Variants in PPFIBP2 observed in about 807,000 individuals in gnomAD.
PPFIBP2 encodes the protein liprin-beta-2.
A neutral mutation model predicts 118.3 loss-of-function variants in PPFIBP2; 118 were observed. The observed-to-expected ratio is 1.00, with a 90% confidence interval of 0.86 to 1.16. The LOEUF is 1.16. Ranked by LOEUF, PPFIBP2 falls within the 50% of genes most tolerant of loss-of-function variation. PPFIBP2 has a pLI of 0.00. For missense variants in PPFIBP2, 1,195 were observed against 1,073.1 expected, an observed-to-expected ratio of 1.11 and a Z score of -1.59; for synonymous variants, 414 against 397.4, an observed-to-expected ratio of 1.04 and a Z score of -0.50.
chr11:7,564,825 G>A (rs1388970606), intron 2 of PPFIBP2, among the ~76,000 whole-genome samples: 4 of 152,230 alleles, frequency 2.6e-5, no homozygotes, highest in Non-Finnish European at 2.9e-5. Flanking sequence ...GAGAGAAAGA[G>A]TGGAACCTGT....
chr11:7,618,076 C>T (rs1322579000), intron 6 of PPFIBP2, among the ~76,000 whole-genome samples: 1 of 152,134 alleles, frequency 6.6e-6, no homozygotes, highest in Non-Finnish European at 1.5e-5. Context: ...ACAGAGGATA[C>T]CCTGGCTCTG....
chr11:7,605,962 G>T, intron 5 of PPFIBP2: 16 of 1,534,680 alleles, frequency 1.0e-5, no homozygotes, highest in Non-Finnish European at 1.4e-5. Flanking sequence ...ATACTGAATG[G>T]GAAAGTTAAT....
intron 5 of PPFIBP2, among the ~76,000 whole-genome samples, chr11:7,599,066 T>C (rs1259681247): frequency 6.7e-6 from 1 of 149,294 alleles, no homozygotes; most frequent in African/African-American, 2.5e-5. Context: ...GTTCATAATA[T>C]TTCCTAAAAA....
intron 10 of PPFIBP2, among the ~76,000 whole-genome samples, chr11:7,630,196 A>C (rs1476198994): frequency 6.6e-6 from 1 of 152,198 alleles, no homozygotes; most frequent in Admixed American, 6.5e-5. Context: ...AAGGATATTC[A>C]GGAACCTCTG....
At chr11:7,665,558 G>A in the PPFIBP2 span, 3 of 1,591,474 alleles carry the variant, frequency 1.9e-6, no homozygotes, top group African/African-American at 2.7e-5. Flanking sequence ...TGAAATGAAG[G>A]AGATGCAGGA....
intron 21 of PPFIBP2, 40 bp downstream of exon 21, chr11:7,649,694 C>T: frequency 6.2e-7 from 1 of 1,611,314 alleles, no homozygotes. Context: ...AGCCCTGAGC[C>T]AGGACCCCTG....
chr11:7,568,443 C>T (rs556654267), intron 3 of PPFIBP2, among the ~76,000 whole-genome samples: 22 of 152,324 alleles, frequency 1.4e-4, no homozygotes, highest in African/African-American at 5.1e-4. Flanking sequence ...GGTAGAGAAT[C>T]ATTTCTTTAG....
intron 3 of PPFIBP2, among the ~76,000 whole-genome samples, chr11:7,572,987 C>G (rs948789918): frequency 2.6e-5 from 4 of 152,180 alleles, no homozygotes; most frequent in Non-Finnish European, 5.9e-5. Context: ...ACCAGGTTGA[C>G]GAGGCTGATC....
At chr11:7,532,542 G>A (rs910310376) in intron 1 of PPFIBP2, among the ~76,000 whole-genome samples, 1 of 152,174 alleles carries the variant, frequency 6.6e-6, no homozygotes, top group Non-Finnish European at 1.5e-5. Flanking sequence ...TCGTCCAAAG[G>A]CTCAGCTCCA....
At chr11:7,606,105 C>G (rs1847309048) in intron 5 of PPFIBP2, 1 of 1,405,260 alleles carries the variant, frequency 7.1e-7, no homozygotes, top group South Asian at 1.4e-5. Flanking sequence ...AAGTGAAGAG[C>G]ACTGTCTTAG....
intron 1 of PPFIBP2, among the ~76,000 whole-genome samples, 156 bp from the exon 2 acceptor site, chr11:7,549,284 G>C (rs561905774): frequency 5.3e-5 from 8 of 152,214 alleles, no homozygotes; most frequent in Admixed American, 2.0e-4. Flanking sequence ...CATGCCAAGA[G>C]GGAAAAGGCC....
chr11:7,531,867 A>G (rs1850719302), intron 1 of PPFIBP2, among the ~76,000 whole-genome samples: 1 of 151,286 alleles, frequency 6.6e-6, no homozygotes, highest in Admixed American at 6.6e-5. Context: ...ATGGAGTCTC[A>G]CTGTGTTGCC....
At chr11:7,577,747 C>G in intron 3 of PPFIBP2, 1 of 441,216 alleles carries the variant, frequency 2.3e-6, no homozygotes, top group South Asian at 1.6e-5. Flanking sequence ...GAGGTATTGT[C>G]CAGCAAAGCC....
chr11:7,546,768 C>T (rs979011622), intron 1 of PPFIBP2, among the ~76,000 whole-genome samples: 3 of 152,250 alleles, frequency 2.0e-5, no homozygotes, highest in Non-Finnish European at 4.4e-5. Context: ...ACCACACTCT[C>T]TGCCTGGAAC....
chr11:7,607,772 A>T (rs1235187839), intron 5 of PPFIBP2, among the ~76,000 whole-genome samples: 1 of 152,022 alleles, frequency 6.6e-6, no homozygotes, highest in Non-Finnish European at 1.5e-5. Flanking sequence ...ATTATAGTCC[A>T]TCTCTAGCTG....
At chr11:7,574,995 C>T (rs1015744597) in intron 3 of PPFIBP2, among the ~76,000 whole-genome samples, 1 of 152,138 alleles carries the variant, frequency 6.6e-6, no homozygotes, top group African/African-American at 2.4e-5. Context: ...CTGTCCCTTT[C>T]TCTCCCCTAC....
Position 7,522,572 on chromosome 11 carries a change from G to C in PPFIBP2, c.-37+8451G>C, listed in dbSNP as rs76886507. On this transcript the variant is annotated intron_variant, in intron 1 of 23. Transcript: ENST00000299492. ...GTAGCACATGAGTTTAGCCAGAGGA[G>C]AGCTGCCAGAAGGTCGAGATGGAGA... Among the ~76,000 whole-genome samples, 1,462 of 152,312 alleles carry C rather than the reference G, an allele frequency of 9.6e-3. 24 individuals carry two copies. The highest frequency in any genetic ancestry group is 0.033 in the African/African-American group (1,373 of 41,566).
intron 14 of PPFIBP2, among the ~76,000 whole-genome samples, chr11:7,636,896 G>T (rs1038158823): frequency 1.3e-5 from 2 of 152,156 alleles, no homozygotes; most frequent in Non-Finnish European, 2.9e-5. Context: ...CCGCTCCACA[G>T]TCATCTTTCT....
intron 3 of PPFIBP2, among the ~76,000 whole-genome samples, chr11:7,590,588 C>T (rs1470289407): frequency 2.0e-5 from 3 of 152,184 alleles, no homozygotes; most frequent in Admixed American, 1.3e-4. Context: ...TCTAGATTTT[C>T]AAATATATTT....
Sources: gnomAD v4.1 joint callset for allele counts (sites outside exome capture counted in the v4.1 genomes callset) on GRCh38, gnomAD v4.1.1 for gene constraint, MANE v1.5 for transcripts, NCBI Gene and HGNC (gene_info 2026-07-23, HGNC 2026-07-21) for gene names.